The following SLC30A8 variants were observed in gnomAD, a reference collection of about 807,000 sequenced individuals.
The protein encoded by SLC30A8 is proton-coupled zinc antiporter SLC30A8.
Under a neutral mutation model 36.9 loss-of-function variants are expected in SLC30A8, and 27 were observed. The ratio of observed to expected loss-of-function variants is 0.73; its 90% CI spans 0.54 to 1.01. The LOEUF is 1.01. SLC30A8 is among the 50% of genes least tolerant of loss of function. The pLI, the probability that SLC30A8 is intolerant of heterozygous loss-of-function variation, is 0.00. For missense variants in SLC30A8, 439 were observed against 452.0 expected (o/e 0.97, Z 0.26); for synonymous variants, 164 against 172.4 (o/e 0.95, Z 0.38).
chr8:117,081,412 T>A (rs1219756385), intron 2 of SLC30A8, among the ~76,000 whole-genome samples: 1 of 152,232 alleles, frequency 6.6e-6, no homozygotes, highest in Non-Finnish European at 1.5e-5. Flanking sequence ...TTTCTCTGTG[T>A]GCAAGCATCC....
intron 2 of SLC30A8, among the ~76,000 whole-genome samples, chr8:117,066,445 T>C (rs747719408): frequency 6.6e-6 from 1 of 152,224 alleles, no homozygotes; most frequent in Non-Finnish European, 1.5e-5. Flanking sequence ...CCTGCTGTTA[T>C]AGACACCTGT....
intron 2 of SLC30A8, among the ~76,000 whole-genome samples, chr8:117,061,289 GCA>G (rs1174625589): frequency 1.3e-5 from 2 of 152,178 alleles, no homozygotes; most frequent in East Asian, 1.9e-4. Flanking sequence ...GTATTAGGAT[GCA>G]CACACACATA....
intron 1 of SLC30A8, among the ~76,000 whole-genome samples, chr8:116,986,044 A>G (rs917012635): frequency 6.6e-6 from 1 of 152,016 alleles, no homozygotes; most frequent in African/African-American, 2.4e-5. Context: ...AAGGAATGGG[A>G]TTCTTTTGAG....
chr8:116,987,913 G>A (rs770855893), intron 1 of SLC30A8, among the ~76,000 whole-genome samples: 5 of 152,164 alleles, frequency 3.3e-5, no homozygotes, highest in Non-Finnish European at 5.9e-5. Flanking sequence ...TGGCCAGGCT[G>A]GTCTCGAACT....
chr8:117,089,994 A>G (rs1032180223), intron 2 of SLC30A8, among the ~76,000 whole-genome samples: 3 of 151,204 alleles, frequency 2.0e-5, no homozygotes, highest in African/African-American at 7.3e-5. Flanking sequence ...TTTTTTTTAG[A>G]CACATTCTCA....
intron 2 of SLC30A8, among the ~76,000 whole-genome samples, chr8:117,073,543 AG>A (rs1382488576): frequency 2.6e-5 from 4 of 152,188 alleles, no homozygotes; most frequent in Non-Finnish European, 5.9e-5. Context: ...TACAGGCATG[AG>A]CCATTGTGCC....
At chr8:117,059,815 C>T (rs558784683) in intron 2 of SLC30A8, among the ~76,000 whole-genome samples, 110 of 152,010 alleles carry the variant, frequency 7.2e-4, no homozygotes, top group African/African-American at 2.4e-3. Context: ...AAGATTGGGG[C>T]GTGTTTTGGG....
At position 117,144,034 on chromosome 8, in the gene SLC30A8, C is replaced by T. The variant is rs1302863884; in HGVS notation, c.72-2920C>T. On this transcript the variant is annotated intron_variant, in intron 1 of 7. Coordinates refer to ENST00000456015, the MANE Select transcript of SLC30A8 (RefSeq NM_173851.3). ...AGAAACATAAAATAAAGCAATGCTTCATATGACCACAGCATACCAGGCAGT... is the reference window on the plus strand; with the variant it reads ...AGAAACATAAAATAAAGCAATGCTTTATATGACCACAGCATACCAGGCAGT... 2.0e-5 allele frequency among the ~76,000 whole-genome samples: 3 copies of T among 152,096 alleles called. No individual in the cohort carries two copies. In the East Asian group the frequency reaches 5.8e-4, roughly 29 times the overall value.
chr8:116,971,554 A>G (rs1413946454), intron 1 of SLC30A8, among the ~76,000 whole-genome samples: 1 of 152,070 alleles, frequency 6.6e-6, no homozygotes, highest in Non-Finnish European at 1.5e-5. Context: ...AGACTTTTTG[A>G]TGATATTCCT....
At chr8:117,160,292 TA>T (rs1822709908) in intron 4 of SLC30A8, among the ~76,000 whole-genome samples, 1 of 152,246 alleles carries the variant, frequency 6.6e-6, no homozygotes, top group Non-Finnish European at 1.5e-5. Flanking sequence ...TATTTAACTC[TA>T]GCTTAAGCTT....
intron 1 of SLC30A8, among the ~76,000 whole-genome samples, chr8:117,007,788 T>A (rs1816229937): frequency 1.3e-5 from 2 of 152,180 alleles, no homozygotes; most frequent in African/African-American, 2.4e-5. Flanking sequence ...ACAGTAGAAC[T>A]GAAACTTGGA....
chr8:117,057,589 G>C (rs1055165400), intron 2 of SLC30A8, among the ~76,000 whole-genome samples: 23 of 151,482 alleles, frequency 1.5e-4, no homozygotes, highest in African/African-American at 5.6e-4. Context: ...ACTTTTTTTA[G>C]ATTCCATGTA....
chr8:117,142,217 C>G (rs1157967491), intron 1 of SLC30A8, among the ~76,000 whole-genome samples: 1 of 152,090 alleles, frequency 6.6e-6, no homozygotes, highest in Non-Finnish European at 1.5e-5. Flanking sequence ...TTAGCAAGTC[C>G]TATTGACTCC....
chr8:117,175,680 A>G lies in SLC30A8; in HGVS notation c.*2999A>G, dbSNP rs1314833777. The G allele has an allele frequency of 6.6e-6, 1 of 152,150 alleles. No homozygotes were observed. The highest frequency in any genetic ancestry group is 1.5e-5 in the Non-Finnish European group (1 of 68,008). The allele number at this position is 152,150 out of a possible 1,614,324, so 9.4% of individuals were successfully genotyped here. A position where few individuals can be genotyped will look rare whatever the true frequency, so the allele number is the denominator to read the frequency against. On this transcript the variant is annotated 3_prime_UTR_variant, in exon 8 of 8. Transcript: ENST00000456015. ...TAGCATGTAGTGTTCAGTACATGTT[A>G]AATGTTGTTTTTTATTATGTACAAA...
intron 2 of SLC30A8, among the ~76,000 whole-genome samples, chr8:117,043,711 T>A (rs367815807): frequency 2.6e-5 from 4 of 152,220 alleles, no homozygotes; most frequent in Non-Finnish European, 4.4e-5. Flanking sequence ...ATTCTCAACA[T>A]TTTCCATTTA....
Position 117,147,041 on chromosome 8 carries a change from C to T in SLC30A8, c.159C>T (p.Cys53=), listed in dbSNP as rs1563625824. 1 of 1,614,054 alleles carries T rather than the reference C, an allele frequency of 6.2e-7. No individual in the cohort carries two copies. Among genetic ancestry groups the T allele is most frequent in the Non-Finnish European group, 8.5e-7 (1 of 1,179,942 alleles). Residue 53 remains cysteine, a synonymous_variant, in exon 2 of 8, where the codon TGC becomes TGT. Coordinates refer to ENST00000456015, the MANE Select transcript of SLC30A8 (RefSeq NM_173851.3). ...TGGAGTCAGGAGGCATGTACCACTG[C>T]CACAGTGGCTCCAAGCCCACAGAAA... ...EELESGGMYH[C]HSGSKPTEKG... is the part of the protein sequence containing the mutation.
At chr8:117,139,172 T>A (rs1821517394) in intron 1 of SLC30A8, among the ~76,000 whole-genome samples, 1 of 152,042 alleles carries the variant, frequency 6.6e-6, no homozygotes. Context: ...TAAAGAAGCC[T>A]GTTATAGATT....
At chr8:117,042,081 T>A (rs1310801944) in intron 2 of SLC30A8, among the ~76,000 whole-genome samples, 1 of 152,248 alleles carries the variant, frequency 6.6e-6, no homozygotes, top group African/African-American at 2.4e-5. Flanking sequence ...CAGTACATTT[T>A]ATCTTCTGTA....
chr8:117,015,410 A>T (rs1816483315), intron 1 of SLC30A8, among the ~76,000 whole-genome samples: 1 of 152,196 alleles, frequency 6.6e-6, no homozygotes, highest in South Asian at 2.1e-4. Flanking sequence ...TCCATGGTCC[A>T]TTCCAAGATA....
Sources: gnomAD v4.1 joint callset for allele counts (sites outside exome capture counted in the v4.1 genomes callset) on GRCh38, gnomAD v4.1.1 for gene constraint, MANE v1.5 for transcripts, NCBI Gene and HGNC (gene_info 2026-07-23, HGNC 2026-07-21) for gene names.